KCTD16: variants seen among roughly 807,000 people sequenced by gnomAD.
KCTD16 encodes potassium channel tetramerization domain containing 16, also known as BTB/POZ domain-containing protein KCTD16.
KCTD16 carries 13 observed loss-of-function variants against 33.2 expected under a neutral mutation model. That is an observed-to-expected ratio of 0.39 (90% CI 0.25 to 0.62). KCTD16 has a LOEUF of 0.62. Among genes scored for constraint, KCTD16 ranks in the 20% least tolerant of loss-of-function variants. The pLI, the probability that KCTD16 is intolerant of heterozygous loss-of-function variation, is 0.50. For missense variants in KCTD16, 441 were observed against 525.1 expected (o/e 0.84, Z 1.57); for synonymous variants, 197 against 195.3 (o/e 1.01, Z -0.07).
chr5:144,207,979 T>C lies in KCTD16; in HGVS notation c.832+433T>C, dbSNP rs142375020. Among the ~76,000 whole-genome samples the C allele has an allele frequency of 2.1e-4, 32 of 152,354 alleles. No homozygotes were observed. In the East Asian group the frequency reaches 6.0e-3, roughly 28 times the overall value. ...GTCTATTAAGCTGGTTGCTGAAGAC[T>C]TGCTTTCATCAGGGGCTTTGAAAAC... On this transcript the variant is annotated intron_variant, in intron 3 of 3. Transcript: ENST00000512467.
chr5:144,280,113 G>A (rs1335033474), intron 3 of KCTD16, among the ~76,000 whole-genome samples: 1 of 152,010 alleles, frequency 6.6e-6, no homozygotes, highest in African/African-American at 2.4e-5. Context: ...TAAGGTTATT[G>A]GTCTGTAGTT....
At chr5:144,208,391 C>T (rs2126791227) in intron 3 of KCTD16, among the ~76,000 whole-genome samples, 1 of 152,308 alleles carries the variant, frequency 6.6e-6, no homozygotes, top group South Asian at 2.1e-4. Context: ...GCAGATTCCT[C>T]ATTTTATGAT....
At chr5:144,254,694 A>C (rs1202766188) in intron 3 of KCTD16, among the ~76,000 whole-genome samples, 1 of 152,138 alleles carries the variant, frequency 6.6e-6, no homozygotes, top group Admixed American at 6.5e-5. Flanking sequence ...AGCCTCTGGC[A>C]ACTGCCATTC....
At chr5:144,443,660 C>T (rs563310503) in intron 3 of KCTD16, among the ~76,000 whole-genome samples, 1 of 152,110 alleles carries the variant, frequency 6.6e-6, no homozygotes, top group South Asian at 2.1e-4. Flanking sequence ...TAAAAATTAT[C>T]CTCATGAACT....
intron 2 of KCTD16, chr5:144,205,444 C>G: frequency 2.5e-6 from 1 of 398,626 alleles, no homozygotes; most frequent in Non-Finnish European, 4.4e-6. Flanking sequence ...CCAGAGAAGC[C>G]GGAGCCCCGG....
At chr5:144,449,373 G>T (rs1427040431) in intron 3 of KCTD16, among the ~76,000 whole-genome samples, 1 of 151,736 alleles carries the variant, frequency 6.6e-6, no homozygotes, top group Non-Finnish European at 1.5e-5. Context: ...AATCTCAATG[G>T]ATTTTTTATA....
chr5:144,387,331 G>C (rs1446943480), intron 3 of KCTD16, among the ~76,000 whole-genome samples: 1 of 151,654 alleles, frequency 6.6e-6, no homozygotes, highest in Non-Finnish European at 1.5e-5. Context: ...TCATGGTGGT[G>C]GTATTTTTGT....
chr5:144,181,722 T>TCCATCAAAAAG, intron 2 of KCTD16, among the ~76,000 whole-genome samples: 1 of 152,170 alleles, frequency 6.6e-6, no homozygotes, highest in Non-Finnish European at 1.5e-5. Context: ...GTTGCTGTGG[T>TCCATCAAAAAG]TTGGATGTGT....
intron 3 of KCTD16, among the ~76,000 whole-genome samples, chr5:144,231,089 C>G (rs988085791): frequency 6.6e-6 from 1 of 152,184 alleles, no homozygotes; most frequent in Admixed American, 6.5e-5. Flanking sequence ...CTTGTAGACA[C>G]CTAGTAACCA....
chr5:144,289,719 A>G (rs1195159472), intron 3 of KCTD16, among the ~76,000 whole-genome samples: 13 of 152,140 alleles, frequency 8.5e-5, no homozygotes, highest in Admixed American at 6.6e-4. Context: ...ATCTATTTCA[A>G]TGAAAATCAG....
intron 3 of KCTD16, among the ~76,000 whole-genome samples, chr5:144,405,125 A>C (rs1752783249): frequency 6.6e-6 from 1 of 152,244 alleles, no homozygotes. Flanking sequence ...CCAGGATCAC[A>C]GCTATGAAAG....
intron 3 of KCTD16, among the ~76,000 whole-genome samples, chr5:144,315,417 A>C (rs1751877766): frequency 6.6e-6 from 1 of 152,192 alleles, no homozygotes; most frequent in Non-Finnish European, 1.5e-5. Flanking sequence ...CTAAAATATA[A>C]ATATTTTTAT....
At chr5:144,328,511 T>A (rs1383550798) in intron 3 of KCTD16, among the ~76,000 whole-genome samples, 1 of 149,072 alleles carries the variant, frequency 6.7e-6, no homozygotes, top group Non-Finnish European at 1.5e-5. Context: ...TCTTTTTTTT[T>A]TATTTTTTTT....
chr5:144,365,199 A>C (rs1751805255), intron 3 of KCTD16, among the ~76,000 whole-genome samples: 1 of 152,184 alleles, frequency 6.6e-6, no homozygotes, highest in Admixed American at 6.5e-5. Flanking sequence ...TCTTTCTAGA[A>C]GAGGGCTTAA....
In KCTD16 at chr5:144,456,602, A is replaced by G. The variant is rs1009933736; in HGVS notation, c.833-17058A>G. 5.3e-5 allele frequency among the ~76,000 whole-genome samples: 8 copies of G among 152,178 alleles called. No individual in the cohort carries two copies. In the South Asian group the frequency reaches 6.2e-4, roughly 12 times the overall value. Reference sequence around the variant, plus strand: ...ATTCAGTTGAGGAAGGTAAATTGCTATGGTCTCAGGTTTATTATTCATTTT... The same window carrying G: ...ATTCAGTTGAGGAAGGTAAATTGCTGTGGTCTCAGGTTTATTATTCATTTT... On this transcript the variant is annotated intron_variant, in intron 3 of 3. Transcript: ENST00000512467.
chr5:144,260,098 AG>A (rs932648894), intron 3 of KCTD16, among the ~76,000 whole-genome samples: 36 of 152,374 alleles, frequency 2.4e-4, no homozygotes, highest in African/African-American at 8.2e-4. Context: ...GGCATAAAAA[AG>A]GGAAATAAGA....
At chr5:144,190,174 A>G (rs143127497) in intron 2 of KCTD16, among the ~76,000 whole-genome samples, 2 of 152,206 alleles carry the variant, frequency 1.3e-5, no homozygotes, top group East Asian at 3.9e-4. Flanking sequence ...ACTGCACTGG[A>G]TTTATTTGTT....
At chr5:144,232,454 C>T (rs757936254) in intron 3 of KCTD16, among the ~76,000 whole-genome samples, 3 of 152,210 alleles carry the variant, frequency 2.0e-5, no homozygotes, top group East Asian at 3.8e-4. Flanking sequence ...CAAGGTCACA[C>T]AGCTGGTGAA....
In KCTD16 at chr5:144,475,881, C is replaced by G. The variant is rs1295547660; in HGVS notation, c.*1767C>G. 1.3e-5 allele frequency: 2 copies of G among 152,250 alleles called. No homozygotes were observed. The highest frequency in any genetic ancestry group is 4.8e-5 in the African/African-American group (2 of 41,452). 9.4% of individuals were successfully genotyped at this position (152,250 alleles called of 1,614,324 possible). On this transcript the variant is annotated 3_prime_UTR_variant, in exon 4 of 4. Coordinates refer to ENST00000512467, the MANE Select transcript of KCTD16 (RefSeq NM_020768.4). ...AATTCTCGCCTTCACACTAGGATGA[C>G]AGACTCAGCTAATGTTTCCTTGTCC...
Sources: gnomAD v4.1 joint callset for allele counts (sites outside exome capture counted in the v4.1 genomes callset) on GRCh38, gnomAD v4.1.1 for gene constraint, MANE v1.5 for transcripts, NCBI Gene and HGNC (gene_info 2026-07-23, HGNC 2026-07-21) for gene names.